KAZN: variants seen among roughly 807,000 people sequenced by gnomAD.
KAZN encodes the protein kazrin, periplakin interacting protein.
KAZN carries 40 observed loss-of-function variants against 87.4 expected under a neutral mutation model. That is an observed-to-expected ratio of 0.46 (90% CI 0.36 to 0.60). The LOEUF (loss-of-function observed/expected upper bound fraction) is 0.60. KAZN is among the 20% of genes least tolerant of loss of function. The pLI is 0.00. For missense variants in KAZN, 898 were observed against 1,073.9 expected (o/e 0.84, Z 2.29); for synonymous variants, 466 against 458.3 (o/e 1.02, Z -0.22).
intron 1 of KAZN, among the ~76,000 whole-genome samples, chr1:14,083,913 G>T (rs1049843383): frequency 6.6e-6 from 1 of 152,226 alleles, no homozygotes; most frequent in Admixed American, 6.5e-5. Context: ...CTTACTGTGT[G>T]TTAGTCATTG....
intron 1 of KAZN, among the ~76,000 whole-genome samples, chr1:14,938,207 C>T (rs780896813): frequency 1.3e-5 from 2 of 152,142 alleles, no homozygotes; most frequent in Non-Finnish European, 2.9e-5. Context: ...GGTGCTAGCC[C>T]TATCTAGTAG....
chr1:14,456,097 AG>A (rs1487809565), intron 2 of KAZN, among the ~76,000 whole-genome samples: 3 of 152,250 alleles, frequency 2.0e-5, no homozygotes, highest in African/African-American at 7.2e-5. Context: ...CCTCATGAAA[AG>A]TGCATGAGCA....
At chr1:14,623,661 T>C (rs542152113) in intron 1 of KAZN, among the ~76,000 whole-genome samples, 1 of 152,324 alleles carries the variant, frequency 6.6e-6, no homozygotes, top group South Asian at 2.1e-4. Context: ...TCTCTCTTCT[T>C]TTCTAATATA....
At chr1:14,085,700 TAA>T (rs1044266366) in intron 1 of KAZN, among the ~76,000 whole-genome samples, 1 of 152,216 alleles carries the variant, frequency 6.6e-6, no homozygotes, top group African/African-American at 2.4e-5. Context: ...AGGCAATGAA[TAA>T]AGTTACTATA....
chr1:14,653,014 G>A (rs763077206), intron 1 of KAZN, among the ~76,000 whole-genome samples: 15 of 152,214 alleles, frequency 9.9e-5, no homozygotes, highest in South Asian at 8.3e-4. Context: ...TGCTGACTCC[G>A]GGATAAATAA....
chr1:14,644,689 A>G (rs1221654507), intron 1 of KAZN, among the ~76,000 whole-genome samples: 1 of 152,148 alleles, frequency 6.6e-6, no homozygotes. Context: ...TAAGTTCCTT[A>G]TAGATGCTGG....
At chr1:14,424,341 C>T (rs936684513) in intron 2 of KAZN, among the ~76,000 whole-genome samples, 3 of 152,142 alleles carry the variant, frequency 2.0e-5, no homozygotes, top group African/African-American at 4.8e-5. Flanking sequence ...ATGAGACAAC[C>T]GTGGCAGGGA....
At chr1:14,040,792 A>G in intron 1 of KAZN, among the ~76,000 whole-genome samples, 1 of 108,504 alleles carries the variant, frequency 9.2e-6, no homozygotes, top group African/African-American at 2.8e-5. Flanking sequence ...ATAAAATTAA[A>G]TTAAATTAAA....
intron 2 of KAZN, among the ~76,000 whole-genome samples, chr1:14,397,328 CT>C (rs537708835): frequency 5.3e-5 from 8 of 152,200 alleles, no homozygotes; most frequent in Non-Finnish European, 1.0e-4. Context: ...TGAAGTTCCT[CT>C]TCCTGGCTTG....
intron 2 of KAZN, among the ~76,000 whole-genome samples, chr1:14,272,500 T>C (rs1047428908): frequency 1.3e-5 from 2 of 152,220 alleles, no homozygotes; most frequent in East Asian, 3.8e-4. Context: ...CATTCATGTT[T>C]TGCATGCATG....
intron 1 of KAZN, among the ~76,000 whole-genome samples, chr1:14,711,345 A>AG (rs1286443585): frequency 6.6e-6 from 1 of 152,084 alleles, no homozygotes; most frequent in African/African-American, 2.4e-5. Context: ...TGTTTCCAAA[A>AG]AAAAAAAAAA....
intron 2 of KAZN, among the ~76,000 whole-genome samples, chr1:14,982,859 G>A (rs145101603): frequency 7.9e-5 from 12 of 152,284 alleles, no homozygotes; most frequent in African/African-American, 1.4e-4. Context: ...CCTGTGGCCC[G>A]AGAGCCTGCC....
At chr1:15,046,632 T>C (rs1020513377) in intron 4 of KAZN, among the ~76,000 whole-genome samples, 1 of 152,128 alleles carries the variant, frequency 6.6e-6, no homozygotes, top group Non-Finnish European at 1.5e-5. Context: ...CACGGCAGGA[T>C]GGTTTACTAA....
chr1:14,023,883 C>G (rs1480636371), intron 1 of KAZN, among the ~76,000 whole-genome samples: 1 of 152,122 alleles, frequency 6.6e-6, no homozygotes, highest in Non-Finnish European at 1.5e-5. Flanking sequence ...TCTGAGAAAT[C>G]AAGACAGAAA....
intron 7 of KAZN, among the ~76,000 whole-genome samples, chr1:15,064,583 A>G (rs1303354733): frequency 1.3e-5 from 2 of 152,264 alleles, no homozygotes; most frequent in African/African-American, 2.4e-5. Flanking sequence ...CCCACGTCAC[A>G]GACAAGAAAA....
chr1:14,701,396 G>T (rs1641913096), intron 1 of KAZN, among the ~76,000 whole-genome samples: 1 of 152,160 alleles, frequency 6.6e-6, no homozygotes. Flanking sequence ...CTCCCAAAGT[G>T]TTGGGATTAC....
At position 14,904,208 on chromosome 1, in the gene KAZN, G is replaced by C. The variant is rs939761542; in HGVS notation, c.227-56476G>C. On this transcript the variant is annotated intron_variant, in intron 1 of 14. Transcript: ENST00000376030. The stretch of plus-strand genomic sequence containing the variant: ...CCTCAATTTTCCTTATTCATGCAAT[G>C]GGTTTAAGAATTGCCTCACTTGGGA... Among the ~76,000 whole-genome samples the C allele has an allele frequency of 1.1e-4, 17 of 151,870 alleles. No individual in the cohort carries two copies. In the East Asian group the frequency reaches 3.3e-3, roughly 30 times the overall value.
chr1:14,590,022 C>T (rs569325111), intron 2 of KAZN, among the ~76,000 whole-genome samples: 15 of 152,118 alleles, frequency 9.9e-5, no homozygotes, highest in Admixed American at 4.6e-4. Context: ...GCGATAAAGG[C>T]GTCCTGAGAT....
intron 1 of KAZN, among the ~76,000 whole-genome samples, chr1:14,032,550 T>C (rs1641373253): frequency 6.6e-6 from 1 of 152,214 alleles, no homozygotes; most frequent in Non-Finnish European, 1.5e-5. Context: ...TATTGTCTCT[T>C]GCTGAAATGA....
Sources: gnomAD v4.1 joint callset for allele counts (sites outside exome capture counted in the v4.1 genomes callset) on GRCh38, gnomAD v4.1.1 for gene constraint, MANE v1.5 for transcripts, NCBI Gene and HGNC (gene_info 2026-07-23, HGNC 2026-07-21) for gene names.